Variants in ARMC8 observed in about 807,000 individuals in gnomAD.
The protein encoded by ARMC8 is armadillo repeat-containing protein 8.
A neutral mutation model predicts 99.3 loss-of-function variants in ARMC8; 20 were observed. The observed-to-expected ratio is 0.20, with a 90% CI of 0.14 to 0.29. The LOEUF (loss-of-function observed/expected upper bound fraction) is 0.29. Ranked by LOEUF, ARMC8 falls within the 10% of genes least tolerant of loss-of-function variation. The pLI is 1.00. For missense variants in ARMC8, 569 were observed against 809.5 expected (o/e 0.70, Z 3.60); for synonymous variants, 263 against 278.3 (o/e 0.95, Z 0.55).
intron 20 of ARMC8, 69 bp from the exon 21 acceptor site, chr3:138,290,477 T>G (rs2050831662): frequency 2.6e-6 from 3 of 1,153,406 alleles, no homozygotes; most frequent in East Asian, 5.1e-5. Flanking sequence ...GGCTCTAGAT[T>G]GTTAATTGTA....
rs1360940772 is a variant in ARMC8, at chr3:138,273,720, C to T, written c.1629+604C>T. Among the ~76,000 whole-genome samples the T allele has an allele frequency of 2.0e-5, 3 of 152,072 alleles. No individual in the cohort carries two copies. The South Asian group carries it at 6.2e-4, about 31-fold the overall frequency. ...CCCTTCTCTGTGCCCCACAAGTTGT[C>T]ATTATGCATTTATTCTCCAAGATAG... On this transcript the variant is annotated intron_variant, in intron 17 of 21. Coordinates refer to ENST00000469044, the MANE Select transcript of ARMC8 (RefSeq NM_001363941.2).
chr3:138,189,053 T>A (rs1384738241), intron 1 of ARMC8, among the ~76,000 whole-genome samples: 1 of 152,176 alleles, frequency 6.6e-6, no homozygotes, highest in East Asian at 1.9e-4. Flanking sequence ...TGTTCTCAGT[T>A]CTCCTTTAAT....
chr3:138,234,036 A>G (rs557462242), intron 6 of ARMC8, among the ~76,000 whole-genome samples: 189 of 149,126 alleles, frequency 1.3e-3, no homozygotes, highest in South Asian at 2.7e-3. Flanking sequence ...AGAATTGATG[A>G]AAAAAAACCC....
intron 2 of ARMC8, among the ~76,000 whole-genome samples, chr3:138,216,793 A>C (rs548607712): frequency 6.6e-6 from 1 of 152,282 alleles, no homozygotes; most frequent in East Asian, 1.9e-4. Flanking sequence ...ACTTCATACT[A>C]ATTAGACCAG....
intron 10 of ARMC8, among the ~76,000 whole-genome samples, chr3:138,241,341 A>G (rs2046610064): frequency 6.6e-6 from 1 of 152,204 alleles, no homozygotes; most frequent in African/African-American, 2.4e-5. Flanking sequence ...CAAAAAATAA[A>G]CGATATTACT....
intron 2 of ARMC8, among the ~76,000 whole-genome samples, chr3:138,212,103 C>G (rs2044727923): frequency 6.6e-6 from 1 of 151,752 alleles, no homozygotes. Context: ...ACAGATCACC[C>G]AACATTTTTT....
At chr3:138,203,105 T>G (rs2107997521) in intron 1 of ARMC8, among the ~76,000 whole-genome samples, 1 of 152,330 alleles carries the variant, frequency 6.6e-6, no homozygotes, top group East Asian at 1.9e-4. Flanking sequence ...TTTTTCTGCT[T>G]TTCTTTTGCA....
intron 21 of ARMC8, among the ~76,000 whole-genome samples, chr3:138,291,196 C>T (rs2050912019): frequency 1.3e-5 from 2 of 152,182 alleles, no homozygotes; most frequent in African/African-American, 4.8e-5. Context: ...TCCATTTCAC[C>T]TTTGTATAAT....
chr3:138,226,859 G>A (rs936595964), intron 5 of ARMC8, among the ~76,000 whole-genome samples: 2 of 152,166 alleles, frequency 1.3e-5, no homozygotes, highest in African/African-American at 4.8e-5. Flanking sequence ...ACCCCTGGAG[G>A]TTAAATTTAG....
chr3:138,246,382 T>C lies in ARMC8; in HGVS notation c.1134+1199T>C, dbSNP rs1024164808. Reference sequence around the variant, plus strand: ...CTAAGTTTTCACTTATAAACTGTTATTTCAAAGCAAACATACTAGTGATAT... The same window carrying C: ...CTAAGTTTTCACTTATAAACTGTTACTTCAAAGCAAACATACTAGTGATAT... On this transcript the variant is annotated intron_variant, in intron 12 of 21. Coordinates refer to ENST00000469044, the MANE Select transcript of ARMC8 (RefSeq NM_001363941.2). 5 of 985,330 alleles carry C rather than the reference T, an allele frequency of 5.1e-6. No individual in the cohort carries two copies. The African/African-American group carries it at 5.2e-5, about 10-fold the overall frequency. The allele number at this position is 985,330 out of a possible 1,614,324, so 61.0% of individuals were successfully genotyped here. A position where few individuals can be genotyped will look rare whatever the true frequency, so the allele number is the denominator to read the frequency against.
At chr3:138,196,063 C>G (rs772654919) in intron 1 of ARMC8, among the ~76,000 whole-genome samples, 17 of 152,218 alleles carry the variant, frequency 1.1e-4, no homozygotes, top group South Asian at 2.1e-4. Flanking sequence ...GTCTTTACCA[C>G]CTGGAAAGTA....
At chr3:138,188,618 T>A in intron 1 of ARMC8, 1 of 1,527,464 alleles carries the variant, frequency 6.5e-7, no homozygotes, top group African/African-American at 1.4e-5. Flanking sequence ...GAAGCCAGTC[T>A]GATACTGAGA....
intron 18 of ARMC8, among the ~76,000 whole-genome samples, chr3:138,277,712 T>G (rs1048914136): frequency 2.6e-5 from 4 of 152,238 alleles, no homozygotes; most frequent in Admixed American, 2.0e-4. Context: ...ACAGTCATTT[T>G]GGAAATGGTT....
At chr3:138,283,914 G>T (rs981838734) in intron 18 of ARMC8, among the ~76,000 whole-genome samples, 17 of 152,164 alleles carry the variant, frequency 1.1e-4, no homozygotes, top group Non-Finnish European at 2.1e-4. Flanking sequence ...CACATGGCTG[G>T]TGTAGCTGGT....
intron 14 of ARMC8, among the ~76,000 whole-genome samples, chr3:138,264,958 C>T (rs1391104739): frequency 1.3e-5 from 2 of 151,628 alleles, no homozygotes; most frequent in African/African-American, 4.8e-5. Context: ...AGTGCAGTGG[C>T]TCAGTCATGG....
chr3:138,221,678 G>A (rs145857899), intron 2 of ARMC8, among the ~76,000 whole-genome samples: 2 of 152,148 alleles, frequency 1.3e-5, no homozygotes, highest in East Asian at 3.9e-4. Context: ...CTTTCTAGAA[G>A]AACTCAATTC....
chr3:138,211,798 C>T (rs538153061), intron 2 of ARMC8, among the ~76,000 whole-genome samples: 19 of 152,158 alleles, frequency 1.2e-4, no homozygotes, highest in African/African-American at 4.6e-4. Flanking sequence ...CCCATATTGC[C>T]AGGTTGATGT....
chr3:138,231,961 CTTTTTTTTTTT>C (rs61298993), intron 6 of ARMC8, among the ~76,000 whole-genome samples: 71 of 58,634 alleles, frequency 1.2e-3, no homozygotes, highest in African/African-American at 5.3e-3. Flanking sequence ...CTTGCAATTG[CTTTTTTTTTTT>C]TTTTTTTTTT....
chr3:138,245,255 G>A (rs773699795), intron 12 of ARMC8, 72 bp downstream of exon 12: 15 of 1,613,970 alleles, frequency 9.3e-6, no homozygotes, highest in East Asian at 4.5e-5. Context: ...CCTGAAAGTC[G>A]TGGTGAAGAG....
Sources: allele counts gnomAD v4.1 joint callset (sites outside exome capture counted in the v4.1 genomes callset), GRCh38; gene constraint gnomAD v4.1.1; transcripts MANE v1.5; gene names NCBI Gene and HGNC (gene_info 2026-07-23, HGNC 2026-07-21).